PPARGC1A: variants seen among roughly 807,000 people sequenced by gnomAD.
PPARGC1A encodes peroxisome proliferator-activated receptor gamma coactivator 1-alpha.
PPARGC1A carries 25 observed loss-of-function variants against 88.7 expected under a neutral mutation model. The observed-to-expected ratio is 0.28, with a 90% confidence interval of 0.21 to 0.39. PPARGC1A has a LOEUF of 0.39. PPARGC1A is among the 10% of genes least tolerant of loss of function. The probability of loss-of-function intolerance (pLI) is 1.00; values close to 1 mark genes in which losing one functional copy is unlikely to be tolerated. For synonymous variants in PPARGC1A, 363 were observed against 355.6 expected (o/e 1.02, Z -0.24); for missense variants, 880 against 968.7 (o/e 0.91, Z 1.22).
At chr4:24,211,992 C>G in the PPARGC1A span, among the ~76,000 whole-genome samples, 1 of 152,174 alleles carries the variant, frequency 6.6e-6, no homozygotes, top group African/African-American at 2.4e-5. Context: ...TATTGGCTCA[C>G]CGTTCCCCAA....
the PPARGC1A span, among the ~76,000 whole-genome samples, chr4:24,230,721 G>A: frequency 3.3e-5 from 5 of 152,184 alleles, no homozygotes; most frequent in African/African-American, 1.2e-4. Context: ...AGATCTAGAA[G>A]TGGAAGACAG....
intron 7 of PPARGC1A, among the ~76,000 whole-genome samples, chr4:23,815,789 TAGG>T (rs1214989440): frequency 1.1e-4 from 17 of 152,106 alleles, no homozygotes; most frequent in Non-Finnish European, 2.2e-4. Context: ...ATTTTCTGTT[TAGG>T]AGGCGGGGTG....
At chr4:24,007,954 G>A in the PPARGC1A span, among the ~76,000 whole-genome samples, 3 of 152,080 alleles carry the variant, frequency 2.0e-5, no homozygotes, top group South Asian at 4.1e-4. Context: ...CAGCCATTCC[G>A]TCGTCTCCCG....
chr4:24,109,550 C>T, the PPARGC1A span, among the ~76,000 whole-genome samples: 1 of 152,116 alleles, frequency 6.6e-6, no homozygotes, highest in Non-Finnish European at 1.5e-5. Flanking sequence ...ATGGAATAAG[C>T]TTTCATATCT....
At chr4:24,180,881 C>T in the PPARGC1A span, among the ~76,000 whole-genome samples, 3 of 152,300 alleles carry the variant, frequency 2.0e-5, no homozygotes, top group Admixed American at 2.0e-4. Context: ...TACTTTTGAT[C>T]CTCAACATAA....
chr4:23,919,633 A>G, the PPARGC1A span, among the ~76,000 whole-genome samples: 15 of 152,190 alleles, frequency 9.9e-5, no homozygotes, highest in South Asian at 2.1e-4. Flanking sequence ...TTCCCAATAA[A>G]TGAATGGTGA....
the PPARGC1A span, among the ~76,000 whole-genome samples, chr4:24,171,419 T>A: frequency 6.6e-6 from 1 of 151,882 alleles, no homozygotes; most frequent in Non-Finnish European, 1.5e-5. Flanking sequence ...AAAAAAAGTG[T>A]CCCGTGCCCA....
At chr4:24,046,074 T>C in the PPARGC1A span, among the ~76,000 whole-genome samples, 2 of 152,292 alleles carry the variant, frequency 1.3e-5, no homozygotes, top group African/African-American at 4.8e-5. Context: ...GTACAGAAGA[T>C]ATAGAGTAAC....
chr4:24,399,977 G>GTT, the PPARGC1A span, among the ~76,000 whole-genome samples: 2 of 151,872 alleles, frequency 1.3e-5, no homozygotes, highest in Middle Eastern at 3.4e-3. Context: ...GTGGAGACAG[G>GTT]GTTTCACCAT....
the PPARGC1A span, among the ~76,000 whole-genome samples, chr4:24,387,116 A>C: frequency 6.6e-6 from 1 of 152,228 alleles, no homozygotes; most frequent in Non-Finnish European, 1.5e-5. Context: ...TCTTTGACAA[A>C]TCTGACAAAA....
chr4:24,219,708 T>A, the PPARGC1A span, among the ~76,000 whole-genome samples: 1 of 152,152 alleles, frequency 6.6e-6, no homozygotes, highest in African/African-American at 2.4e-5. Flanking sequence ...AAGATAGGGA[T>A]GATGTTTGGA....
chr4:24,168,395 T>C, the PPARGC1A span, among the ~76,000 whole-genome samples: 2 of 152,118 alleles, frequency 1.3e-5, no homozygotes, highest in Non-Finnish European at 2.9e-5. Context: ...GTCTCCTCAA[T>C]AAATGTTTGT....
chr4:24,046,401 A>G, the PPARGC1A span, among the ~76,000 whole-genome samples: 1 of 152,070 alleles, frequency 6.6e-6, no homozygotes, highest in Non-Finnish European at 1.5e-5. Flanking sequence ...CATCTCTCTC[A>G]AAGGAGCCCC....
the PPARGC1A span, among the ~76,000 whole-genome samples, chr4:24,069,636 C>T: frequency 6.6e-6 from 1 of 152,100 alleles, no homozygotes; most frequent in Non-Finnish European, 1.5e-5. Context: ...GAAGCCACTG[C>T]TAAAAGCATA....
At chr4:24,413,310 C>G in the PPARGC1A span, among the ~76,000 whole-genome samples, 1 of 146,074 alleles carries the variant, frequency 6.8e-6, no homozygotes, top group South Asian at 2.1e-4. Flanking sequence ...ATAAAAGCAA[C>G]GCAGAATGAA....
chr4:24,466,676 G>A, the PPARGC1A span, among the ~76,000 whole-genome samples: 2 of 151,868 alleles, frequency 1.3e-5, no homozygotes, highest in East Asian at 1.9e-4. Flanking sequence ...AAAGAAAAGC[G>A]AAAAACAGCA....
chr4:23,894,858 G>A (rs1448985189), upstream of PPARGC1A, among the ~76,000 whole-genome samples: 1 of 152,074 alleles, frequency 6.6e-6, no homozygotes, highest in African/African-American at 2.4e-5. Context: ...CAACTCGGTT[G>A]TATTTGTGAA....
the PPARGC1A span, among the ~76,000 whole-genome samples, chr4:23,973,157 A>G: frequency 3.3e-5 from 5 of 152,126 alleles, no homozygotes; most frequent in African/African-American, 7.2e-5. Flanking sequence ...TCACTGGCCA[A>G]TGTTTGCAGG....
At chr4:24,226,719 C>G in the PPARGC1A span, among the ~76,000 whole-genome samples, 2 of 152,316 alleles carry the variant, frequency 1.3e-5, no homozygotes, top group South Asian at 4.1e-4. Context: ...CACAACCTGC[C>G]AGCGCTGGGC....
Sources: allele counts gnomAD v4.1 joint callset (sites outside exome capture counted in the v4.1 genomes callset), GRCh38; gene constraint gnomAD v4.1.1; transcripts MANE v1.5; gene names NCBI Gene and HGNC (gene_info 2026-07-23, HGNC 2026-07-21).